ALDH18A1: variants seen among roughly 807,000 people sequenced by gnomAD.
ALDH18A1 encodes delta-1-pyrroline-5-carboxylate synthase.
In ALDH18A1, 44 loss-of-function variants were observed where a neutral mutation model predicts 88.8. The ratio of observed to expected loss-of-function variants is 0.50; its 90% CI spans 0.39 to 0.64. The LOEUF (loss-of-function observed/expected upper bound fraction) is 0.64. Ranked by LOEUF, ALDH18A1 falls within the 30% of genes least tolerant of loss-of-function variation. The pLI, the probability that ALDH18A1 is intolerant of heterozygous loss-of-function variation, is 0.00. For synonymous variants in ALDH18A1, 331 were observed against 372.1 expected, an observed-to-expected ratio of 0.89 and a Z score of 1.27; for missense variants, 782 against 1,009.5, an observed-to-expected ratio of 0.77 and a Z score of 3.05.
At chr10:95,639,192 CA>C (rs1244099679) in intron 3 of ALDH18A1, among the ~76,000 whole-genome samples, 74 of 151,924 alleles carry the variant, frequency 4.9e-4, no homozygotes, top group African/African-American at 1.7e-3. Flanking sequence ...AAATAATAGC[CA>C]AGTAGCATGT....
Position 95,610,190 on chromosome 10 carries a change from T to G in ALDH18A1, c.2206+7A>C. 1 of 1,613,896 alleles carries G rather than the reference T, an allele frequency of 6.2e-7. No homozygotes were observed. Among genetic ancestry groups the G allele is most frequent in the Non-Finnish European group, 8.5e-7 (1 of 1,179,812 alleles). ...ACTTCTTTCTTCCCAACCAGAGTCT[T>G]TCTTACCCAGTCCAAAGCGGTAACC... On this transcript the variant is annotated splice_region_variant and intron_variant, in intron 17 of 17. Transcript: ENST00000371224.
At chr10:95,613,081 G>A (rs976042408) in intron 15 of ALDH18A1, among the ~76,000 whole-genome samples, 1 of 152,194 alleles carries the variant, frequency 6.6e-6, no homozygotes, top group Non-Finnish European at 1.5e-5. Context: ...TATGACATCA[G>A]AAATTAAAGC....
intron 15 of ALDH18A1, among the ~76,000 whole-genome samples, chr10:95,613,086 T>C (rs922543412): frequency 6.6e-5 from 10 of 152,220 alleles, no homozygotes; most frequent in African/African-American, 2.4e-4. Flanking sequence ...CATCAGAAAT[T>C]AAAGCTTAAA....
chr10:95,613,101 A>G (rs1366406410), intron 15 of ALDH18A1, among the ~76,000 whole-genome samples: 1 of 152,252 alleles, frequency 6.6e-6, no homozygotes, highest in Non-Finnish European at 1.5e-5. Context: ...CTTAAAATGC[A>G]TCCATGCAGA....
At chr10:95,618,285 A>G (rs1405553708) in intron 12 of ALDH18A1, among the ~76,000 whole-genome samples, 1 of 152,102 alleles carries the variant, frequency 6.6e-6, no homozygotes, top group Non-Finnish European at 1.5e-5. Context: ...TTTCTCAACC[A>G]GAGGCTGTGA....
chr10:95,633,090 C>G (rs764858520), intron 6 of ALDH18A1, 41 bp from the exon 7 acceptor site: 11 of 1,550,572 alleles, frequency 7.1e-6, no homozygotes, highest in Non-Finnish European at 9.8e-6. Context: ...GTGAGCTAAG[C>G]AGTCCAAAAA....
intron 2 of ALDH18A1, among the ~76,000 whole-genome samples, chr10:95,651,664 A>G (rs2139665057): frequency 6.6e-6 from 1 of 152,174 alleles, no homozygotes; most frequent in East Asian, 1.9e-4. Flanking sequence ...GGTGCCACAC[A>G]CTTAACCAGA....
At chr10:95,654,850 C>T (rs1221334680) in intron 1 of ALDH18A1, among the ~76,000 whole-genome samples, 2 of 151,838 alleles carry the variant, frequency 1.3e-5, no homozygotes, top group African/African-American at 4.8e-5. Context: ...CATGTGAATT[C>T]TCCAAAATAA....
At chr10:95,611,881 A>C (rs2097835460) in intron 15 of ALDH18A1, among the ~76,000 whole-genome samples, 2 of 152,016 alleles carry the variant, frequency 1.3e-5, no homozygotes, top group Non-Finnish European at 2.9e-5. Context: ...GCAGGAGGAG[A>C]ACTGCTTGAA....
intron 5 of ALDH18A1, among the ~76,000 whole-genome samples, chr10:95,635,033 G>A (rs573512584): frequency 6.6e-6 from 1 of 152,094 alleles, no homozygotes; most frequent in Non-Finnish European, 1.5e-5. Context: ...ATAAAACACA[G>A]GAAACATACA....
At chr10:95,655,679 AGAGT>A (rs759793079) in intron 1 of ALDH18A1, among the ~76,000 whole-genome samples, 8 of 52,010 alleles carry the variant, frequency 1.5e-4, no homozygotes, top group East Asian at 7.9e-4. Flanking sequence ...AGGAGCAAAG[AGAGT>A]GTGTGTGTGT....
intron 11 of ALDH18A1, among the ~76,000 whole-genome samples, chr10:95,622,727 C>T (rs1466287557): frequency 2.6e-5 from 4 of 151,974 alleles, no homozygotes; most frequent in Admixed American, 2.6e-4. Flanking sequence ...TTAGTAGAGA[C>T]GGGGTTTCAC....
At position 95,638,073 on chromosome 10, in the gene ALDH18A1, G is replaced by A. The variant is rs2097884511; in HGVS notation, c.304-637C>T. ...CTGTCGCCCAGGCTGGAGTGCCGTGGCATGAATGTGGCTCACTGCAGCCTT... is the reference window on the plus strand; with the variant it reads ...CTGTCGCCCAGGCTGGAGTGCCGTGACATGAATGTGGCTCACTGCAGCCTT... On this transcript the variant is annotated intron_variant, in intron 3 of 17. Transcript: ENST00000371224. Among the ~76,000 whole-genome samples the A allele has an allele frequency of 5.3e-5, 8 of 152,254 alleles. 1 individual carries two copies. The South Asian group carries it at 1.7e-3, about 32-fold the overall frequency.
chr10:95,619,465 A>T (rs1159230330), intron 12 of ALDH18A1, among the ~76,000 whole-genome samples: 1 of 152,230 alleles, frequency 6.6e-6, no homozygotes, highest in Non-Finnish European at 1.5e-5. Flanking sequence ...ACCAAAAAAG[A>T]GCCCGCATTG....
At chr10:95,636,404 T>C (rs1398080708) in intron 5 of ALDH18A1, among the ~76,000 whole-genome samples, 1 of 152,184 alleles carries the variant, frequency 6.6e-6, no homozygotes, top group East Asian at 1.9e-4. Context: ...AGTTGTACAG[T>C]TGATTAAGAA....
intron 17 of ALDH18A1, among the ~76,000 whole-genome samples, chr10:95,607,283 G>A (rs1170310960): frequency 1.3e-5 from 2 of 152,164 alleles, no homozygotes; most frequent in Non-Finnish European, 2.9e-5. Context: ...CATGTTTTGA[G>A]GGGTACGACA....
intron 12 of ALDH18A1, among the ~76,000 whole-genome samples, chr10:95,617,077 T>C (rs1331381936): frequency 6.6e-6 from 1 of 152,098 alleles, no homozygotes; most frequent in Admixed American, 6.6e-5. Context: ...TGAAACCCCA[T>C]CTCTACTATA....
chr10:95,646,724 G>A (rs1208556887), intron 2 of ALDH18A1, among the ~76,000 whole-genome samples: 1 of 152,110 alleles, frequency 6.6e-6, no homozygotes, highest in Non-Finnish European at 1.5e-5. Flanking sequence ...CATCTTCTAA[G>A]GAACTTTTAG....
intron 7 of ALDH18A1, among the ~76,000 whole-genome samples, chr10:95,629,342 G>A (rs1318456910): frequency 6.6e-6 from 1 of 152,110 alleles, no homozygotes. Flanking sequence ...CTTTTCCTGT[G>A]CTATAATATA....
Sources: gnomAD v4.1 joint callset for allele counts (sites outside exome capture counted in the v4.1 genomes callset) on GRCh38, gnomAD v4.1.1 for gene constraint, MANE v1.5 for transcripts, NCBI Gene and HGNC (gene_info 2026-07-23, HGNC 2026-07-21) for gene names.